The following VPS13A variants were observed in gnomAD, a reference collection of about 807,000 sequenced individuals.
VPS13A encodes the protein vacuolar protein sorting 13 homolog A, also known as intermembrane lipid transfer protein VPS13A.
A neutral mutation model predicts 390.9 loss-of-function variants in VPS13A; 264 were observed. The observed-to-expected ratio is 0.68, with a 90% confidence interval of 0.61 to 0.75. The LOEUF is 0.75. Among genes scored for constraint, VPS13A ranks in the 30% least tolerant of loss-of-function variants. The probability of loss-of-function intolerance (pLI) is 0.00; values close to 1 mark genes in which losing one functional copy is unlikely to be tolerated. For synonymous variants in VPS13A, 1,231 were observed against 1,227.1 expected (o/e 1.00, Z -0.07); for missense variants, 3,409 against 3,733.9 (o/e 0.91, Z 2.27).
Position 77,371,140 on chromosome 9 carries a change from G to A in VPS13A, c.9068G>A (p.Gly3023Glu), listed in dbSNP as rs1563968455. The A allele has an allele frequency of 1.2e-6, 2 of 1,613,966 alleles. No individual in the cohort carries two copies. The highest frequency in any genetic ancestry group is 1.6e-4 in the Middle Eastern group (1 of 6,062). ...GACATGGCTAGCAGTACATTTCAGG[G>A]AATAAAAAGGTAAATCCTCTTTGGT... ...IIDMASSTFQ[G>E]IKRATETSEV... The change falls in exon 67 of 72, where the codon GGA becomes GAA. Residue 3023 changes from glycine (G) to glutamate (E), a missense_variant. Around this residue, in one of 5 missense-constraint regions of VPS13A, gnomAD observed 318 missense variants for 333.7 expected, o/e 0.95. Coordinates refer to ENST00000360280, the MANE Select transcript of VPS13A (RefSeq NM_033305.3).
intron 27 of VPS13A, among the ~76,000 whole-genome samples, chr9:77,281,603 C>T (rs1034829853): frequency 6.6e-6 from 1 of 152,010 alleles, no homozygotes; most frequent in East Asian, 1.9e-4. Flanking sequence ...CCAACATTTC[C>T]TCTCTTAATA....
In VPS13A at chr9:77,258,430, A is replaced by G. The variant is rs576901404; in HGVS notation, c.2289-1656A>G. On this transcript the variant is annotated intron_variant, in intron 22 of 71. Transcript: ENST00000360280. ...TAACATGTAAAAGGGAGAGACCCAC[A>G]CTCTTTTTTGTTGACCTTTACCTCA... Among the ~76,000 whole-genome samples, 216 of 151,972 alleles carry G rather than the reference A, an allele frequency of 1.4e-3. 3 individuals are homozygous for G. Among genetic ancestry groups the G allele is most frequent in the South Asian group, 2.1e-3 (10 of 4,804 alleles).
chr9:77,370,789 A>G lies in VPS13A; in HGVS notation c.8908-101A>G, dbSNP rs187463668. 2.9e-3 allele frequency: 4,411 copies of G among 1,501,756 alleles called. 18 individuals are homozygous for G. Among genetic ancestry groups the G allele is most frequent in the Non-Finnish European group, 2.8e-3 (3,054 of 1,086,224 alleles). The allele number at this position is 1,501,756 out of a possible 1,614,324, so 93.0% of individuals were successfully genotyped here. On this transcript the variant is annotated intron_variant, in intron 65 of 71. Coordinates refer to ENST00000360280, the MANE Select transcript of VPS13A (RefSeq NM_033305.3). ...TAGGAGATCTGTTAATTCTTATGCT[A>G]TATAAAAAGCAGAACTCTGTATTTT...
At chr9:77,304,303 G>A (rs1828584161) in intron 34 of VPS13A, among the ~76,000 whole-genome samples, 1 of 152,178 alleles carries the variant, frequency 6.6e-6, no homozygotes, top group Non-Finnish European at 1.5e-5. Context: ...AAAGTGGCTG[G>A]GTCAAAGTGG....
intron 58 of VPS13A, among the ~76,000 whole-genome samples, chr9:77,359,744 G>A (rs1291586750): frequency 6.6e-6 from 1 of 151,460 alleles, no homozygotes; most frequent in Non-Finnish European, 1.5e-5. Flanking sequence ...CTTGAACCCA[G>A]GAGGCAGAGC....
In VPS13A at chr9:77,340,198, T is replaced by C; in HGVS notation, c.6795T>C (p.Asp2265=). Residue 2265 remains aspartate (D), a synonymous_variant, in exon 49 of 72, where the codon GAT becomes GAC. Coordinates refer to ENST00000360280, the MANE Select transcript of VPS13A (RefSeq NM_033305.3). ...NNNKVQLMVT[D]SELSNQFSID... is the part of the protein sequence containing the mutation. Reference sequence around the variant, plus strand: ...CCTAGGTTCAACTTATGGTAACTGATAGTGAGTTGTCCAATCAGTTTTCAA... The same window carrying C: ...CCTAGGTTCAACTTATGGTAACTGACAGTGAGTTGTCCAATCAGTTTTCAA... 1 of 1,613,286 alleles carries C rather than the reference T, an allele frequency of 6.2e-7. No homozygotes were observed. Among genetic ancestry groups the C allele is most frequent in the Non-Finnish European group, 8.5e-7 (1 of 1,179,610 alleles).
chr9:77,388,439 AT>A (rs1316774852), intron 68 of VPS13A, among the ~76,000 whole-genome samples: 1 of 152,148 alleles, frequency 6.6e-6, no homozygotes, highest in African/African-American at 2.4e-5. Context: ...GTGGCAGAAT[AT>A]TTATCATTCT....
chr9:77,360,446 T>A, intron 58 of VPS13A, 90 bp from the exon 59 acceptor site: 1 of 969,974 alleles, frequency 1.0e-6, no homozygotes, highest in Non-Finnish European at 1.7e-6. Flanking sequence ...AAAGTTCTAA[T>A]ATTGATCTCA....
chr9:77,216,883 AG>A (rs1343260413), intron 10 of VPS13A, among the ~76,000 whole-genome samples: 1 of 152,178 alleles, frequency 6.6e-6, no homozygotes, highest in Non-Finnish European at 1.5e-5. Flanking sequence ...AGAAAGATGT[AG>A]GCTCAGAGGC....
intron 31 of VPS13A, among the ~76,000 whole-genome samples, chr9:77,285,179 C>T (rs530375831): frequency 1.3e-5 from 2 of 152,222 alleles, no homozygotes; most frequent in African/African-American, 2.4e-5. Flanking sequence ...TAACTTTCCA[C>T]GTGTCAAAGA....
At position 77,314,516 on chromosome 9, in the gene VPS13A, G is replaced by T; in HGVS notation, c.4264G>T (p.Asp1422Tyr). The change falls in exon 37 of 72, where the codon GAT becomes TAT. Residue 1422 changes from aspartate to tyrosine, a missense_variant. Transcript: ENST00000360280. ...ATAGGCTTCCTTTACAGATGTTCGT[G>T]ATCCTTCTCTGAAACTTGCTGAATT... ...PKQASFTDVRDPSLKLAEFKL... is the reference protein window; with the variant it reads ...PKQASFTDVRYPSLKLAEFKL... The T allele has an allele frequency of 6.2e-7, 1 of 1,612,198 alleles. No individual in the cohort carries two copies.
At chr9:77,388,798 TATCA>T (rs1333977368) in intron 68 of VPS13A, among the ~76,000 whole-genome samples, 6 of 152,226 alleles carry the variant, frequency 3.9e-5, no homozygotes, top group African/African-American at 9.6e-5. Context: ...TACTATAAAT[TATCA>T]TTTATCAGTA....
chr9:77,316,478 A>G, intron 39 of VPS13A, 72 bp downstream of exon 39: 1 of 1,285,512 alleles, frequency 7.8e-7, no homozygotes, highest in Non-Finnish European at 1.1e-6. Context: ...TTAGGAAACA[A>G]AAACTACCTA....
chr9:77,333,317 A>T (rs1451298521), intron 46 of VPS13A, among the ~76,000 whole-genome samples: 1 of 152,180 alleles, frequency 6.6e-6, no homozygotes, highest in Non-Finnish European at 1.5e-5. Context: ...AATCCATCTT[A>T]ATGAGAATTA....
chr9:77,231,252 C>T (rs915336159), intron 17 of VPS13A, among the ~76,000 whole-genome samples: 1 of 152,032 alleles, frequency 6.6e-6, no homozygotes, highest in African/African-American at 2.4e-5. Context: ...CGGCTAGAAC[C>T]TCCAGTAGTA....
intron 33 of VPS13A, among the ~76,000 whole-genome samples, chr9:77,297,031 A>G (rs907668308): frequency 4.0e-5 from 6 of 151,848 alleles, no homozygotes; most frequent in Non-Finnish European, 8.8e-5. Context: ...GTACTGATCA[A>G]TCTGGTTAGC....
chr9:77,364,445 A>AC (rs1012776959), intron 59 of VPS13A, among the ~76,000 whole-genome samples: 8 of 152,054 alleles, frequency 5.3e-5, no homozygotes, highest in African/African-American at 1.4e-4. Flanking sequence ...AAACAAACAA[A>AC]AAAAAACCCA....
intron 14 of VPS13A, among the ~76,000 whole-genome samples, chr9:77,226,215 A>G (rs1204397825): frequency 6.6e-6 from 1 of 152,138 alleles, no homozygotes; most frequent in Non-Finnish European, 1.5e-5. Flanking sequence ...TCAAATATTC[A>G]GTTATGAAGG....
At chr9:77,384,560 C>G in intron 68 of VPS13A, 2 of 1,611,078 alleles carry the variant, frequency 1.2e-6, no homozygotes, top group Non-Finnish European at 1.7e-6. Flanking sequence ...CTTTGTGCTT[C>G]TTTTTTCCTT....
Sources: allele counts gnomAD v4.1 joint callset (sites outside exome capture counted in the v4.1 genomes callset), GRCh38; gene constraint gnomAD v4.1.1; regional missense constraint gnomAD v4.1.1; transcripts MANE v1.5; gene names NCBI Gene and HGNC (gene_info 2026-07-23, HGNC 2026-07-21).